AFG2A: variants seen among roughly 807,000 people sequenced by gnomAD.
AFG2A encodes the protein AAA ATPase AFG2A.
the AFG2A span, among the ~76,000 whole-genome samples, chr4:123,046,095 T>TA: frequency 6.7e-6 from 1 of 148,292 alleles, no homozygotes; most frequent in African/African-American, 2.5e-5. Flanking sequence ...AGACTCCATC[T>TA]CAAAAAAAAA....
chr4:123,026,945 C>T, the AFG2A span, among the ~76,000 whole-genome samples: 79 of 152,188 alleles, frequency 5.2e-4, 1 homozygote, highest in East Asian at 4.1e-3. Context: ...CTCATTTGTC[C>T]GAGTCTGAAT....
At chr4:123,256,116 C>G in the AFG2A span, 3 of 1,614,158 alleles carry the variant, frequency 1.9e-6, no homozygotes, top group South Asian at 3.3e-5. Context: ...CACTCCATGC[C>G]TGTCAGTAAT....
the AFG2A span, among the ~76,000 whole-genome samples, chr4:123,047,085 T>G: frequency 1.3e-5 from 2 of 152,194 alleles, no homozygotes; most frequent in Non-Finnish European, 2.9e-5. Context: ...TTGGAAAGAC[T>G]GCTTTCCTTT....
chr4:123,283,867 G>A, the AFG2A span, among the ~76,000 whole-genome samples: 1 of 152,116 alleles, frequency 6.6e-6, no homozygotes, highest in Non-Finnish European at 1.5e-5. Context: ...AACACTTGCT[G>A]TCTGGCCCTT....
chr4:123,261,763 C>T, the AFG2A span, among the ~76,000 whole-genome samples: 1 of 152,022 alleles, frequency 6.6e-6, no homozygotes, highest in East Asian at 1.9e-4. Context: ...CCTTGTTTAG[C>T]TGTTACCATA....
chr4:123,116,296 A>G, the AFG2A span, among the ~76,000 whole-genome samples: 2 of 152,220 alleles, frequency 1.3e-5, no homozygotes, highest in South Asian at 4.1e-4. Flanking sequence ...AGATTTTTTT[A>G]AACCAAACAA....
the AFG2A span, among the ~76,000 whole-genome samples, chr4:123,174,456 C>T: frequency 6.6e-6 from 1 of 152,110 alleles, no homozygotes; most frequent in Non-Finnish European, 1.5e-5. Flanking sequence ...AGTTAACTGA[C>T]TCTGATGTAG....
the AFG2A span, among the ~76,000 whole-genome samples, chr4:122,968,427 A>C: frequency 5.9e-5 from 9 of 152,190 alleles, no homozygotes; most frequent in Non-Finnish European, 1.2e-4. Context: ...TACCTCTCTC[A>C]GACCCTTTCC....
the AFG2A span, among the ~76,000 whole-genome samples, chr4:123,189,453 T>TC: frequency 1.3e-5 from 2 of 152,150 alleles, no homozygotes; most frequent in African/African-American, 4.8e-5. Context: ...TTTTTTCTTT[T>TC]CTTTTTTTTA....
the AFG2A span, among the ~76,000 whole-genome samples, chr4:122,997,987 C>T: frequency 5.9e-5 from 9 of 152,034 alleles, no homozygotes; most frequent in Admixed American, 2.6e-4. Flanking sequence ...ATTCTTAATT[C>T]GGTGATTTGT....
chr4:123,018,365 A>T, the AFG2A span, among the ~76,000 whole-genome samples: 1 of 152,252 alleles, frequency 6.6e-6, no homozygotes, highest in Admixed American at 6.5e-5. Flanking sequence ...ACTATATTGT[A>T]GGAATAATTT....
chr4:123,251,555 A>G, the AFG2A span, among the ~76,000 whole-genome samples: 1 of 152,188 alleles, frequency 6.6e-6, no homozygotes, highest in Admixed American at 6.5e-5. Flanking sequence ...ATAATATCTA[A>G]TTCCCAAAAT....
the AFG2A span, among the ~76,000 whole-genome samples, chr4:122,944,061 T>C: frequency 1.9e-4 from 29 of 152,318 alleles, no homozygotes; most frequent in Non-Finnish European, 2.2e-4. Context: ...CTCTGGCTGC[T>C]CTTAACATTT....
the AFG2A span, among the ~76,000 whole-genome samples, chr4:123,283,799 A>G: frequency 6.6e-6 from 1 of 152,164 alleles, no homozygotes; most frequent in Non-Finnish European, 1.5e-5. Context: ...GGCTGCTTCC[A>G]CACTGCAAGG....
chr4:123,262,287 G>A, the AFG2A span, among the ~76,000 whole-genome samples: 423 of 152,210 alleles, frequency 2.8e-3, 1 homozygote, highest in African/African-American at 1.0e-2. Flanking sequence ...TGCTGAAGTG[G>A]CACTTTCTAG....
chr4:123,146,781 A>G, the AFG2A span, among the ~76,000 whole-genome samples: 4 of 87,404 alleles, frequency 4.6e-5, no homozygotes, highest in African/African-American at 1.1e-4. Context: ...GGTGGATGCC[A>G]AACCTCTCAT....
the AFG2A span, chr4:123,057,108 T>C: frequency 1.7e-6 from 2 of 1,194,366 alleles, no homozygotes; most frequent in Non-Finnish European, 2.5e-6. Flanking sequence ...TGTTGACTTG[T>C]ACCTAATAGG....
chr4:123,167,416 C>T, the AFG2A span, among the ~76,000 whole-genome samples: 3 of 151,798 alleles, frequency 2.0e-5, no homozygotes, highest in African/African-American at 2.4e-5. Flanking sequence ...GGCACGATTT[C>T]GGCTCTCTGC....
At chr4:123,287,721 G>A in the AFG2A span, among the ~76,000 whole-genome samples, 22 of 152,034 alleles carry the variant, frequency 1.4e-4, no homozygotes, top group Admixed American at 1.2e-3. Flanking sequence ...TTTGTGAGAG[G>A]CAACAGACCA....
Sources: allele counts gnomAD v4.1 joint callset (sites outside exome capture counted in the v4.1 genomes callset), GRCh38; gene constraint gnomAD v4.1.1; transcripts MANE v1.5; gene names NCBI Gene and HGNC (gene_info 2026-07-23, HGNC 2026-07-21).